The following GPR137 variants were observed in gnomAD, a reference collection of about 807,000 sequenced individuals.
The protein encoded by GPR137 is integral membrane protein GPR137.
A neutral mutation model predicts 38.9 loss-of-function variants in GPR137; 20 were observed. That is an observed-to-expected ratio of 0.51 (90% CI 0.36 to 0.75). GPR137 has a LOEUF of 0.75. GPR137 is among the 30% of genes least tolerant of loss of function. The pLI, the probability that GPR137 is intolerant of heterozygous loss-of-function variation, is 0.00. For missense variants in GPR137, 456 were observed against 526.4 expected, an observed-to-expected ratio of 0.87 and a Z score of 1.31; for synonymous variants, 226 against 235.8, an observed-to-expected ratio of 0.96 and a Z score of 0.38.
upstream of GPR137, among the ~76,000 whole-genome samples, chr11:64,273,692 C>A (rs1397569484): frequency 6.6e-6 from 1 of 151,492 alleles, no homozygotes; most frequent in Non-Finnish European, 1.5e-5. Context: ...CCAGACTGAC[C>A]AAGATGGTAA....
upstream of GPR137, among the ~76,000 whole-genome samples, chr11:64,280,542 G>A (rs1254159359): frequency 3.4e-5 from 5 of 149,000 alleles, no homozygotes; most frequent in Non-Finnish European, 6.0e-5. Context: ...TAGTAGAGAC[G>A]GGGTTTCACC....
At position 64,288,803 on chromosome 11, in the gene GPR137, A is replaced by G; in HGVS notation, c.1031+82A>G. ...CCATCAAGCTATGGGGGACCGAGAT[A>G]GCCGGGTCTTGCCTTCCACCCCTGC... On this transcript the variant is annotated intron_variant, in intron 6 of 6. Transcript: ENST00000438980. The surrounding 1 kb of genome is among the most constrained non-coding windows in gnomAD (Gnocchi z 5.5). 3 of 1,452,126 alleles carry G rather than the reference A, an allele frequency of 2.1e-6. No homozygotes were observed. Among genetic ancestry groups the G allele is most frequent in the South Asian group, 1.4e-5 (1 of 69,600 alleles). 90.0% of individuals were successfully genotyped at this position (1,452,126 alleles called of 1,614,324 possible).
upstream of GPR137, among the ~76,000 whole-genome samples, chr11:64,273,422 C>A (rs1041182147): frequency 4.6e-5 from 7 of 152,104 alleles, no homozygotes; most frequent in Non-Finnish European, 8.8e-5. Flanking sequence ...TTGTAGGCTG[C>A]AAGTGCACTA....
At chr11:64,273,751 A>G (rs1320180877), upstream of GPR137, among the ~76,000 whole-genome samples, 2 of 149,210 alleles carry the variant, frequency 1.3e-5, no homozygotes, top group African/African-American at 4.9e-5. Context: ...GCGCGGTGGC[A>G]GGCACCTGTA....
chr11:64,280,646 T>C (rs1226738741), upstream of GPR137, among the ~76,000 whole-genome samples: 1 of 140,566 alleles, frequency 7.1e-6, no homozygotes, highest in Non-Finnish European at 1.6e-5. Flanking sequence ...CCACCGCGCC[T>C]GGCCTAATTT....
intron 2 of GPR137, among the ~76,000 whole-genome samples, chr11:64,277,541 G>C (rs541648104): frequency 6.6e-6 from 1 of 152,140 alleles, no homozygotes; most frequent in African/African-American, 2.4e-5. Context: ...AGGCGCAATC[G>C]ATCTTCCCAC....
chr11:64,284,064 C>T (rs1435481768), upstream of GPR137: 1 of 1,235,128 alleles, frequency 8.1e-7, no homozygotes, highest in Non-Finnish European at 1.1e-6. Context: ...GAAACTGGGG[C>T]TCTGAGAGTT....
At chr11:64,276,304 G>GTATGTA (rs2033058157) in intron 1 of GPR137, 1 of 151,166 alleles carries the variant, frequency 6.6e-6, no homozygotes, top group Non-Finnish European at 1.5e-5. Flanking sequence ...ATATTTGTGT[G>GTATGTA]TGTGTGTGTG....
chr11:64,285,532 C>T (rs2033868355), upstream of GPR137: 2 of 985,016 alleles, frequency 2.0e-6, no homozygotes, highest in African/African-American at 3.5e-5. Context: ...AATCCGTTGC[C>T]GCCCCCGGCC....
intron 1 of GPR137, among the ~76,000 whole-genome samples, chr11:64,276,017 A>G (rs1260367032): frequency 2.6e-5 from 4 of 152,062 alleles, no homozygotes; most frequent in Non-Finnish European, 5.9e-5. Flanking sequence ...TCCCAACCCA[A>G]CCAATGTGGC....
rs1444149965 is a variant in GPR137 at position 64,288,173 on chromosome 11, C to A, written c.742C>A (p.Leu248Met). The change falls in exon 4 of 7, where the codon CTG (leucine) becomes ATG (methionine). Residue 248 changes from leucine to methionine, a missense_variant. Physicochemically the swap from Leu to Met is conservative, Grantham distance 15 (BLOSUM62 2). Coordinates refer to ENST00000438980, the MANE Select transcript of GPR137 (RefSeq NM_001170880.2). The surrounding 1 kb of genome is among the most constrained non-coding windows in gnomAD (Gnocchi z 5.5). The part of the protein sequence containing the change: ...TALALAPQSR[L>M]DTFDYDWYNV... ...ACTGGCCTTGGCCCCCCAGAGCCGG[C>A]TGGACACCTTCGATTACGACTGGTA... is the stretch of plus-strand genomic sequence containing the variant. The A allele has an allele frequency of 2.5e-6, 4 of 1,613,050 alleles. No homozygotes were observed. Among genetic ancestry groups the A allele is most frequent in the Non-Finnish European group, 3.4e-6 (4 of 1,179,980 alleles).
At chr11:64,271,923 C>G, upstream of GPR137, 1 of 725,696 alleles carries the variant, frequency 1.4e-6, no homozygotes, top group Non-Finnish European at 1.9e-6. Flanking sequence ...AGGGGCGCAT[C>G]ACAGCCCACC....
chr11:64,280,572 T>C (rs998714289), upstream of GPR137, among the ~76,000 whole-genome samples: 33 of 150,624 alleles, frequency 2.2e-4, no homozygotes, highest in South Asian at 6.3e-4. Context: ...AGGATGGTCT[T>C]GATCTCCTGA....
upstream of GPR137, among the ~76,000 whole-genome samples, chr11:64,280,812 C>T (rs560314691): frequency 1.4e-3 from 215 of 151,784 alleles, 3 homozygotes; most frequent in African/African-American, 4.8e-3. Flanking sequence ...GGATTACAGG[C>T]GCCCACCACC....
At chr11:64,271,488 C>A (rs1309463465), upstream of GPR137, 10 of 1,012,892 alleles carry the variant, frequency 9.9e-6, no homozygotes, top group Non-Finnish European at 1.3e-5. Flanking sequence ...TAGGAAGGAA[C>A]AGGACGGCTT....
At chr11:64,271,771 T>G, upstream of GPR137, 1 of 1,390,936 alleles carries the variant, frequency 7.2e-7, no homozygotes, top group African/African-American at 1.5e-5. Flanking sequence ...GGGTAGGAGC[T>G]GTGGCGACTC....
At chr11:64,287,270 G>A (rs2135189564) in intron 2 of GPR137, 1 of 985,404 alleles carries the variant, frequency 1.0e-6, no homozygotes, top group South Asian at 4.7e-5. Flanking sequence ...AGGGCGAGCT[G>A]GAGGCTCCAG....
Position 64,286,193 on chromosome 11 carries a change from C to T in GPR137, c.-332C>T, listed in dbSNP as rs999266649. 17 of 1,105,848 alleles carry T rather than the reference C, an allele frequency of 1.5e-5. No individual in the cohort carries two copies. The highest frequency in any genetic ancestry group is 1.9e-5 in the Non-Finnish European group (17 of 906,150). The allele number at this position is 1,105,848 out of a possible 1,614,324, so 68.5% of individuals were successfully genotyped here. ...ACATGAACGACCGAGGCCAGGGAGT[C>T]CTCTCCTTGGGCCTCTGCATCCCCC... On this transcript the variant is annotated 5_prime_UTR_variant, in exon 1 of 7. Transcript: ENST00000438980.
chr11:64,284,096 C>T, upstream of GPR137: 1 of 1,460,944 alleles, frequency 6.8e-7, no homozygotes, highest in Non-Finnish European at 9.1e-7. Context: ...CCAAAGCATT[C>T]AGTGCCTGTG....
Sources: allele counts gnomAD v4.1 joint callset (sites outside exome capture counted in the v4.1 genomes callset), GRCh38; gene constraint gnomAD v4.1.1; non-coding constraint Gnocchi (gnomAD v3.1); transcripts MANE v1.5; gene names NCBI Gene and HGNC (gene_info 2026-07-23, HGNC 2026-07-21).